Variants in MIR2052HG observed in about 807,000 individuals in gnomAD.
The protein encoded by MIR2052HG is MIR2052 host gene.
At chr8:74,701,450 T>G (rs112073779) in intron 2 of MIR2052HG, among the ~76,000 whole-genome samples, 29 of 152,126 alleles carry the variant, frequency 1.9e-4, no homozygotes, top group African/African-American at 6.7e-4. Flanking sequence ...TTCTCCATAC[T>G]CCGGGGCAGT....
intron 2 of MIR2052HG, among the ~76,000 whole-genome samples, chr8:74,678,939 AAAGAGAAAAAATATG>A (rs1428768164): frequency 6.6e-6 from 1 of 152,200 alleles, no homozygotes; most frequent in Non-Finnish European, 1.5e-5. Context: ...ATTCACCATG[AAAGAGAAAAAATATG>A]ATTACCTCAA....
chr8:74,717,292 T>C (rs1809529942), intron 4 of MIR2052HG, among the ~76,000 whole-genome samples: 1 of 152,170 alleles, frequency 6.6e-6, no homozygotes, highest in Admixed American at 6.5e-5. Flanking sequence ...TCGCTGAGGA[T>C]GATGGTTTCC....
At chr8:74,694,183 G>C (rs1428537791) in intron 2 of MIR2052HG, among the ~76,000 whole-genome samples, 1 of 152,162 alleles carries the variant, frequency 6.6e-6, no homozygotes. Context: ...CACATCACAG[G>C]ACTCTTTGCA....
At chr8:74,627,950 G>A (rs1808457893) in intron 2 of MIR2052HG, among the ~76,000 whole-genome samples, 1 of 152,248 alleles carries the variant, frequency 6.6e-6, no homozygotes, top group South Asian at 2.1e-4. Context: ...CCTGGCTGAC[G>A]GGCTGAGTTG....
intron 2 of MIR2052HG, among the ~76,000 whole-genome samples, chr8:74,686,129 TCTA>T (rs1809178804): frequency 6.6e-6 from 1 of 151,778 alleles, no homozygotes; most frequent in Admixed American, 6.6e-5. Flanking sequence ...AAATTCAACT[TCTA>T]CTGTCCTTAC....
intron 2 of MIR2052HG, among the ~76,000 whole-genome samples, chr8:74,652,735 T>G (rs115293251): frequency 1.1e-3 from 161 of 152,320 alleles, no homozygotes; most frequent in African/African-American, 3.6e-3. Flanking sequence ...AATAGGCTAT[T>G]CATACTTGTG....
intron 2 of MIR2052HG, among the ~76,000 whole-genome samples, chr8:74,684,506 C>T (rs1809159500): frequency 6.6e-6 from 1 of 151,976 alleles, no homozygotes; most frequent in Admixed American, 6.6e-5. Context: ...ATATTCTTTT[C>T]CCATTCTAAC....
intron 1 of MIR2052HG, among the ~76,000 whole-genome samples, chr8:74,602,865 C>CTTTCTTTCTTTCT (rs879678607): frequency 8.4e-5 from 12 of 142,650 alleles, no homozygotes; most frequent in African/African-American, 3.1e-4. Flanking sequence ...TTCTTTCTTT[C>CTTTCTTTCTTTCT]TTTCTTTCTT....
At chr8:74,700,305 C>A (rs1311776221) in intron 2 of MIR2052HG, among the ~76,000 whole-genome samples, 1 of 152,138 alleles carries the variant, frequency 6.6e-6, no homozygotes. Context: ...ATAAGGTATA[C>A]ATAACTAAAT....
chr8:74,606,835 T>C (rs1171690538), intron 1 of MIR2052HG, among the ~76,000 whole-genome samples: 1 of 151,966 alleles, frequency 6.6e-6, no homozygotes. Context: ...TTTTAAAAAA[T>C]TGTACTTTAA....
chr8:74,699,123 G>T (rs1809331521), intron 2 of MIR2052HG, among the ~76,000 whole-genome samples: 1 of 152,110 alleles, frequency 6.6e-6, no homozygotes, highest in Non-Finnish European at 1.5e-5. Flanking sequence ...TGTTGGCATG[G>T]ATGTAGTGAA....
chr8:74,731,300 CTG>C (rs1809690051), intron 4 of MIR2052HG, among the ~76,000 whole-genome samples: 1 of 152,218 alleles, frequency 6.6e-6, no homozygotes. Flanking sequence ...ACCAGATACT[CTG>C]TGGAAGTCAA....
intron 2 of MIR2052HG, among the ~76,000 whole-genome samples, chr8:74,655,506 G>A (rs1472431095): frequency 6.6e-6 from 1 of 152,200 alleles, no homozygotes; most frequent in Non-Finnish European, 1.5e-5. Flanking sequence ...GTACAGCTCG[G>A]CCATGGTTTC....
rs572316080 is a variant in MIR2052HG, at chr8:74,665,125, A to G, written n.217-37254A>G. ...ATTCTTCCTACTGTGCTTGCTTTCA[A>G]TCTCTACACTTACCATCTTCTCCAG... On this transcript the variant is annotated intron_variant and non_coding_transcript_variant, in intron 2 of 6. Coordinates refer to ENST00000523442, the Ensembl canonical transcript of MIR2052HG. Among the ~76,000 whole-genome samples, 18 of 152,050 alleles carry G rather than the reference A, an allele frequency of 1.2e-4. No homozygotes were observed. In the East Asian group the frequency reaches 3.3e-3, roughly 28 times the overall value.
chr8:74,654,709 T>A (rs540000069), intron 2 of MIR2052HG, among the ~76,000 whole-genome samples: 25 of 152,306 alleles, frequency 1.6e-4, no homozygotes, highest in African/African-American at 5.8e-4. Context: ...CTTGAGTATG[T>A]CTTTATTAGC....
chr8:74,646,057 A>G (rs971480531), intron 2 of MIR2052HG, among the ~76,000 whole-genome samples: 4 of 152,238 alleles, frequency 2.6e-5, no homozygotes, highest in African/African-American at 9.6e-5. Context: ...CTGGGGATAC[A>G]AAAGCTATTA....
intron 2 of MIR2052HG, among the ~76,000 whole-genome samples, chr8:74,654,816 C>A (rs939140594): frequency 6.6e-6 from 1 of 152,040 alleles, no homozygotes; most frequent in African/African-American, 2.4e-5. Context: ...AACTGGGTAA[C>A]GGGCAGAGGT....
intron 2 of MIR2052HG, among the ~76,000 whole-genome samples, chr8:74,650,371 A>C (rs2128736064): frequency 6.6e-6 from 1 of 152,192 alleles, no homozygotes; most frequent in Non-Finnish European, 1.5e-5. Flanking sequence ...TAGTTTGTTC[A>C]TTTCATTTTT....
chr8:74,602,009 C>CAG lies in MIR2052HG; in HGVS notation n.128+2107_128+2108dup, dbSNP rs374223215. Among the ~76,000 whole-genome samples, 17 of 152,178 alleles carry CAG rather than the reference C, an allele frequency of 1.1e-4. 1 individual carries two copies. Among genetic ancestry groups the CAG allele is most frequent in the African/African-American group, 3.1e-4 (13 of 41,506 alleles). ...TTGAAATTGTCAAAAGTGTTCAATC[C>CAG]AGAGAGACTCCATCCTGAATAGGGT... On this transcript the variant is annotated intron_variant and non_coding_transcript_variant, in intron 1 of 6. Coordinates refer to ENST00000523442, the Ensembl canonical transcript of MIR2052HG.
Sources: allele counts gnomAD v4.1 joint callset (sites outside exome capture counted in the v4.1 genomes callset), GRCh38; gene constraint gnomAD v4.1.1; transcripts MANE v1.5; gene names NCBI Gene and HGNC (gene_info 2026-07-23, HGNC 2026-07-21).